Variants in ABCA10 observed in about 807,000 individuals in gnomAD.
ABCA10 encodes the protein ATP binding cassette subfamily A member 10, also known as ATP-binding cassette sub-family A member 10.
A neutral mutation model predicts 187.5 loss-of-function variants in ABCA10; 169 were observed. The ratio of observed to expected loss-of-function variants is 0.90; its 90% CI spans 0.80 to 1.02. The LOEUF (loss-of-function observed/expected upper bound fraction) is 1.02, where lower values mean the gene tolerates loss of function less well. Ranked by LOEUF, ABCA10 falls within the 50% of genes least tolerant of loss-of-function variation. The pLI, the probability that ABCA10 is intolerant of heterozygous loss-of-function variation, is 0.00. For missense variants in ABCA10, 1,727 were observed against 1,812.4 expected (o/e 0.95, Z 0.86); for synonymous variants, 574 against 601.8 (o/e 0.95, Z 0.68).
chr17:69,206,145 T>C (rs531127019), intron 9 of ABCA10, among the ~76,000 whole-genome samples: 28 of 147,874 alleles, frequency 1.9e-4, no homozygotes, highest in African/African-American at 6.7e-4. Flanking sequence ...AAACCCATCA[T>C]CATGTTGTAG....
chr17:69,212,269 T>C (rs1419613684), intron 9 of ABCA10, among the ~76,000 whole-genome samples: 1 of 152,210 alleles, frequency 6.6e-6, no homozygotes, highest in Non-Finnish European at 1.5e-5. Flanking sequence ...ATTTAATTTC[T>C]GTGTGTTTGC....
chr17:69,181,349 G>A (rs2074379937), intron 22 of ABCA10, among the ~76,000 whole-genome samples: 1 of 152,062 alleles, frequency 6.6e-6, no homozygotes, highest in South Asian at 2.1e-4. Flanking sequence ...AGTTGTATAT[G>A]GTAAACCAAA....
In ABCA10 at chr17:69,199,671, G is replaced by A. The variant is rs779678752; in HGVS notation, c.1175+1829C>T. The stretch of plus-strand genomic sequence containing the variant: ...AACCACTTAGGAGACCTAAATAACC[G>A]CTCTTCATACCATACAACAACACCC... On this transcript the variant is annotated intron_variant, in intron 10 of 38. Transcript: ENST00000690296. 5.3e-5 allele frequency among the ~76,000 whole-genome samples: 8 copies of A among 152,294 alleles called. No homozygotes were observed. In the East Asian group the frequency reaches 1.2e-3, roughly 22 times the overall value.
In ABCA10 at chr17:69,192,857, T is replaced by G. The variant is rs553053308; in HGVS notation, c.1781-204A>C. On this transcript the variant is annotated intron_variant, in intron 15 of 38. Coordinates refer to ENST00000690296, the MANE Select transcript of ABCA10 (RefSeq NM_001377321.1). ...AGAAATTCACTGCATTCCCCATAGC[T>G]AATCCAGTGCCTCAAAACTTTCCAA... Among the ~76,000 whole-genome samples the G allele has an allele frequency of 2.6e-5, 4 of 152,348 alleles. No individual in the cohort carries two copies. In the East Asian group the frequency reaches 7.7e-4, roughly 29 times the overall value.
intron 11 of ABCA10, among the ~76,000 whole-genome samples, chr17:69,195,791 G>GT (rs1481604296): frequency 2.6e-5 from 4 of 151,840 alleles, no homozygotes; most frequent in Non-Finnish European, 4.4e-5. Flanking sequence ...TCAAGCATCT[G>GT]TTTAACAAAG....
chr17:69,171,442 A>G (rs1160863321), intron 25 of ABCA10, among the ~76,000 whole-genome samples: 1 of 152,182 alleles, frequency 6.6e-6, no homozygotes, highest in Non-Finnish European at 1.5e-5. Flanking sequence ...CCCAGAAGGC[A>G]GCAAGGACAA....
At chr17:69,234,258 A>C (rs1172939649) in intron 1 of ABCA10, 1 of 152,176 alleles carries the variant, frequency 6.6e-6, no homozygotes, top group Non-Finnish European at 1.5e-5. Flanking sequence ...GGCGAGTCTC[A>C]CTCTAGGTCC....
rs1005645316 is a variant in ABCA10 at position 69,182,695 on chromosome 17, T to C, written c.2611A>G (p.Ile871Val). The part of the protein sequence containing the change: ...SDDPSYNGAI[I>V]VSGDQKDYRF... ...CATACCTTCTGGTCACCAGACACTA[T>C]GATGGCTCCATTGTAGGAGGGATCA... Residue 871 changes from isoleucine (I) to valine (V), a missense_variant, in exon 21 of 39, where the codon ATA becomes GTA. By Grantham distance (29) the Ile-to-Val change is conservative (BLOSUM62 3). Coordinates refer to ENST00000690296, the MANE Select transcript of ABCA10 (RefSeq NM_001377321.1). 3 of 1,607,162 alleles carry C rather than the reference T, an allele frequency of 1.9e-6. No homozygotes were observed. Among genetic ancestry groups the C allele is most frequent in the Non-Finnish European group, 1.7e-6 (2 of 1,177,870 alleles).
chr17:69,194,394 A>G lies in ABCA10; in HGVS notation c.1336T>C (p.Ser446Pro). ...AAAACTGTTTTCTCACCTTCTGTAG[A>G]AACAGACAATCCACTAAGAATGTTT... ...LLNILSGLSV[S>P]TEGSATIYNT... The change falls in exon 12 of 39, where the codon TCT (serine) becomes CCT (proline). Residue 446 changes from serine (S) to proline (P), a missense_variant. Coordinates refer to ENST00000690296, the MANE Select transcript of ABCA10 (RefSeq NM_001377321.1). 1 of 1,599,908 alleles carries G rather than the reference A, an allele frequency of 6.3e-7. No individual in the cohort carries two copies. The highest frequency in any genetic ancestry group is 8.5e-7 in the Non-Finnish European group (1 of 1,170,590).
chr17:69,192,424 A>T, intron 16 of ABCA10, 139 bp downstream of exon 16: 2 of 643,186 alleles, frequency 3.1e-6, no homozygotes, highest in Non-Finnish European at 5.2e-6. Flanking sequence ...GTTAATGAGG[A>T]AGACATTTTG....
intron 25 of ABCA10, among the ~76,000 whole-genome samples, chr17:69,168,188 CTA>C (rs1419555025): frequency 6.6e-6 from 1 of 152,032 alleles, no homozygotes; most frequent in Non-Finnish European, 1.5e-5. Flanking sequence ...CGTTAAGCAA[CTA>C]TGTTATCAGT....
At chr17:69,197,523 C>T (rs1456627911) in intron 10 of ABCA10, among the ~76,000 whole-genome samples, 1 of 152,186 alleles carries the variant, frequency 6.6e-6, no homozygotes, top group Admixed American at 6.5e-5. Flanking sequence ...ATTTCCATTG[C>T]TTTATCCCAC....
At chr17:69,201,716 A>C in intron 9 of ABCA10, 48 bp from the exon 10 acceptor site, 1 of 1,396,308 alleles carries the variant, frequency 7.2e-7, no homozygotes, top group Non-Finnish European at 9.6e-7. Flanking sequence ...ATACCACACC[A>C]ATAAAAAGGG....
rs1323614739 is a variant in ABCA10 at position 69,191,171 on chromosome 17, G to C, written c.2011+5C>G. 6.3e-7 allele frequency: 1 copy of C among 1,588,764 alleles called. No homozygotes were observed. The highest frequency in any genetic ancestry group is 8.6e-7 in the Non-Finnish European group (1 of 1,166,370). On this transcript the variant is annotated splice_donor_5th_base_variant and intron_variant, in intron 17 of 38. Coordinates refer to ENST00000690296, the MANE Select transcript of ABCA10 (RefSeq NM_001377321.1). ...TATATTCTATGTGATTACACAGTAAGTTACCTGGAAATTTGTTCGTTTTTT... is the reference window on the plus strand; with the variant it reads ...TATATTCTATGTGATTACACAGTAACTTACCTGGAAATTTGTTCGTTTTTT...
Position 69,148,876 on chromosome 17 carries a change from T to C in ABCA10, c.4583A>G (p.Lys1528Arg). The C allele has an allele frequency of 6.2e-7, 1 of 1,613,634 alleles. No individual in the cohort carries two copies. Among genetic ancestry groups the C allele is most frequent in the Non-Finnish European group, 8.5e-7 (1 of 1,179,852 alleles). Reference protein sequence around the residue: ...KEQELGNVDDKIDTTVEWKLL... With the variant: ...KEQELGNVDDRIDTTVEWKLL... Reference sequence around the variant, plus strand: ...TTTCCATTCAACTGTTGTATCAATTTTATCATCAACATTTCCCAGCTCCTG... The same window carrying C: ...TTTCCATTCAACTGTTGTATCAATTCTATCATCAACATTTCCCAGCTCCTG... The change falls in exon 39 of 39, where the codon AAA becomes AGA. Residue 1528 changes from lysine (K) to arginine (R), a missense_variant. Physicochemically the swap from Lys to Arg is conservative, Grantham distance 26. Transcript: ENST00000690296.
At chr17:69,214,520 A>C (rs895369041) in intron 9 of ABCA10, among the ~76,000 whole-genome samples, 184 bp downstream of exon 9, 1 of 152,214 alleles carries the variant, frequency 6.6e-6, no homozygotes, top group African/African-American at 2.4e-5. Flanking sequence ...GTCTCAAAAA[A>C]AAAAAAAATG....
intron 1 of ABCA10, chr17:69,234,849 T>C (rs1053412680): frequency 6.6e-6 from 1 of 152,262 alleles, no homozygotes; most frequent in Non-Finnish European, 1.5e-5. Flanking sequence ...TTAGTTCTTA[T>C]ACGTCAAGTC....
rs1027590203 is a variant in ABCA10, at chr17:69,148,612, T to A, written c.*215A>T. 7 of 494,840 alleles carry A rather than the reference T, an allele frequency of 1.4e-5. No individual in the cohort carries two copies. The highest frequency in any genetic ancestry group is 1.1e-4 in the Admixed American group (3 of 27,108). 30.7% of individuals were successfully genotyped at this position (494,840 alleles called of 1,614,324 possible). A position where few individuals can be genotyped will look rare whatever the true frequency, so the allele number is the denominator to read the frequency against. On this transcript the variant is annotated 3_prime_UTR_variant, in exon 39 of 39. Transcript: ENST00000690296. ...AAAATAGACCCATGTTGGGGATGAA[T>A]AACATGTCTGATTTTGTTAATTTTG...
intron 19 of ABCA10, among the ~76,000 whole-genome samples, chr17:69,186,315 C>T (rs923708850): frequency 1.3e-5 from 2 of 152,140 alleles, no homozygotes; most frequent in African/African-American, 4.8e-5. Context: ...ACAGAAACTC[C>T]TTCATCTTAT....
Sources: gnomAD v4.1 joint callset for allele counts (sites outside exome capture counted in the v4.1 genomes callset) on GRCh38, gnomAD v4.1.1 for gene constraint, MANE v1.5 for transcripts, NCBI Gene and HGNC (gene_info 2026-07-23, HGNC 2026-07-21) for gene names.